The following PUDP variants were observed in gnomAD, a reference collection of about 807,000 sequenced individuals.
PUDP encodes pseudouridine 5'-phosphatase, also known as pseudouridine-5'-phosphatase.
In PUDP, 8 loss-of-function variants were observed where a neutral mutation model predicts 9.4. That is an observed-to-expected ratio of 0.85 (90% confidence interval 0.50 to 1.53). The LOEUF (loss-of-function observed/expected upper bound fraction) is 1.53. Among genes scored for constraint, PUDP ranks in the 40% most tolerant of loss-of-function variants. The probability of loss-of-function intolerance (pLI) is 0.00; values close to 1 mark genes in which losing one functional copy is unlikely to be tolerated. For missense variants in PUDP, 188 were observed against 189.7 expected (o/e 0.99, Z 0.05); for synonymous variants, 99 against 80.7 (o/e 1.23, Z -1.22).
Position 6,851,500 on chromosome X carries a change from G to A in PUDP, c.*247+125633C>T, listed in dbSNP as rs943832971. On this transcript the variant is annotated intron_variant and NMD_transcript_variant, in intron 3 of 3. Transcript: ENST00000655425. ...AGAGAGGAAGATGGAGAGAAAGGGA[G>A]AGAGAGAGAGAGAAGGGAGCGAGGA... Among the ~76,000 whole-genome samples the A allele has an allele frequency of 1.0e-4, 11 of 110,404 alleles. No individual in the cohort carries two copies. The Admixed American group carries it at 1.1e-3, about 11-fold the overall frequency.
At chrX:6,908,447 G>A (rs1171975728) in intron 3 of PUDP, among the ~76,000 whole-genome samples, 1 of 111,888 alleles carries the variant, frequency 8.9e-6, no homozygotes, top group Non-Finnish European at 1.9e-5. Flanking sequence ...CATGCTTATG[G>A]TTTATTACAG....
At chrX:6,932,715 G>A (rs966131421) in intron 3 of PUDP, among the ~76,000 whole-genome samples, 2 of 111,960 alleles carry the variant, frequency 1.8e-5, no homozygotes, top group Non-Finnish European at 3.8e-5. Context: ...CCCTTTCCAG[G>A]TCAAAGAAAG....
intron 1 of PUDP, among the ~76,000 whole-genome samples, chrX:6,712,339 C>T (rs184328194): frequency 1.2e-4 from 13 of 111,027 alleles, no homozygotes; most frequent in Middle Eastern, 4.7e-3. Flanking sequence ...GTAGTAGAGA[C>T]GGGTTTTTGC....
In PUDP at chrX:6,941,341, C is replaced by CTTT. The variant is rs761887998; in HGVS notation, c.*247+35789_*247+35791dup. Among the ~76,000 whole-genome samples, 125 of 78,613 alleles carry CTTT rather than the reference C, an allele frequency of 1.6e-3. 4 individuals carry two copies. Among genetic ancestry groups the CTTT allele is most frequent in the African/African-American group, 4.8e-3 (100 of 20,683 alleles). 68.3% of individuals were successfully genotyped at this position (78,613 alleles called of 115,157 possible). A position where few individuals can be genotyped will look rare whatever the true frequency, so the allele number is the denominator to read the frequency against. On this transcript the variant is annotated intron_variant and NMD_transcript_variant, in intron 3 of 3. Transcript: ENST00000655425. ...TTTCTTTTTTCTTTTTCTTTTCTGT[C>CTTT]TTTTTTTTTTTTTTTTTTTGACAAG...
At chrX:6,994,433 T>C (rs1398365716) in intron 1 of PUDP, among the ~76,000 whole-genome samples, 1 of 111,777 alleles carries the variant, frequency 8.9e-6, no homozygotes, top group Non-Finnish European at 1.9e-5. Context: ...AGTCTGTCTT[T>C]GATGAGGTGA....
At chrX:6,763,204 C>T (rs1333408697) in intron 3 of PUDP, among the ~76,000 whole-genome samples, 1 of 112,152 alleles carries the variant, frequency 8.9e-6, no homozygotes, top group Non-Finnish European at 1.9e-5. Context: ...GTCTGGCCAA[C>T]ATGGCGAAAC....
intron 1 of PUDP, among the ~76,000 whole-genome samples, chrX:6,984,829 G>A (rs1338425491): frequency 9.0e-6 from 1 of 111,717 alleles, no homozygotes; most frequent in Non-Finnish European, 1.9e-5. Context: ...ACACTCAGGG[G>A]CTGTGCTTTG....
chrX:6,765,969 A>G (rs970377151), intron 3 of PUDP, among the ~76,000 whole-genome samples: 10 of 111,638 alleles, frequency 9.0e-5, no homozygotes, highest in African/African-American at 2.9e-4. Flanking sequence ...CCAAACACAC[A>G]CAAAAAATTT....
intron 1 of PUDP, among the ~76,000 whole-genome samples, 167 bp from the exon 2 acceptor site, chrX:7,106,005 T>C (rs1457984646): frequency 8.9e-6 from 1 of 112,070 alleles, no homozygotes; most frequent in Non-Finnish European, 1.9e-5. Flanking sequence ...CACTAAATTA[T>C]ACTATGGGCA....
intron 3 of PUDP, among the ~76,000 whole-genome samples, chrX:6,971,759 G>A (rs201305972): frequency 9.0e-6 from 1 of 111,581 alleles, no homozygotes; most frequent in African/African-American, 3.3e-5. Flanking sequence ...AAGAAAGTCA[G>A]TGGTAGCTTG....
chrX:6,751,685 A>G (rs1437362924), intron 3 of PUDP, among the ~76,000 whole-genome samples: 1 of 111,665 alleles, frequency 9.0e-6, no homozygotes, highest in Non-Finnish European at 1.9e-5. Flanking sequence ...TATAAAACTC[A>G]TTATCGGCCA....
At chrX:6,710,687 T>A (rs1924521245) in intron 1 of PUDP, among the ~76,000 whole-genome samples, 1 of 112,399 alleles carries the variant, frequency 8.9e-6, no homozygotes. Context: ...CAGGAGCTGC[T>A]GACGCTGGAT....
At chrX:6,902,543 T>C (rs72609588) in intron 3 of PUDP, among the ~76,000 whole-genome samples, 12,869 of 111,550 alleles carry the variant, frequency 0.12, 811 homozygotes, top group East Asian at 0.34. Context: ...GGGGAAGAGG[T>C]AGAGGCTCCT....
intron 3 of PUDP, among the ~76,000 whole-genome samples, chrX:6,743,259 C>T (rs960512099): frequency 2.7e-5 from 3 of 112,087 alleles, no homozygotes; most frequent in Non-Finnish European, 5.6e-5. Context: ...GAGGGCAGCC[C>T]CACCAGCCAG....
At chrX:7,135,832 T>C (rs142887286) in intron 1 of PUDP, among the ~76,000 whole-genome samples, 4 of 111,192 alleles carry the variant, frequency 3.6e-5, no homozygotes, top group African/African-American at 1.3e-4. Flanking sequence ...CCTGAAAACA[T>C]GCAGATGCCC....
intron 3 of PUDP, among the ~76,000 whole-genome samples, chrX:7,060,926 C>T (rs1438753588): frequency 8.9e-6 from 1 of 112,003 alleles, no homozygotes; most frequent in Non-Finnish European, 1.9e-5. Flanking sequence ...CAAAATGGCG[C>T]CCAGGGCACC....
chrX:7,057,793 C>T (rs1423015784), intron 3 of PUDP: 11 of 1,153,448 alleles, frequency 9.5e-6, no homozygotes, highest in African/African-American at 5.4e-5. Flanking sequence ...CATTTCTGTG[C>T]GGTGAGCAGA....
intron 1 of PUDP, among the ~76,000 whole-genome samples, chrX:7,041,057 G>A (rs781248924): frequency 8.0e-5 from 9 of 111,919 alleles, no homozygotes; most frequent in Non-Finnish European, 1.3e-4. Flanking sequence ...CAAATGAGAA[G>A]GAAGCGATCT....
At chrX:7,130,462 C>T (rs1182683328) in intron 1 of PUDP, among the ~76,000 whole-genome samples, 1 of 110,868 alleles carries the variant, frequency 9.0e-6, no homozygotes, top group Non-Finnish European at 1.9e-5. Flanking sequence ...GGCTAATTAT[C>T]CAACTGTGTG....
Sources: gnomAD v4.1 joint callset for allele counts (sites outside exome capture counted in the v4.1 genomes callset) on GRCh38, gnomAD v4.1.1 for gene constraint, MANE v1.5 for transcripts, NCBI Gene and HGNC (gene_info 2026-07-23, HGNC 2026-07-21) for gene names.